PLEKHS1: variants seen among roughly 807,000 people sequenced by gnomAD.
PLEKHS1 encodes the protein pleckstrin homology domain containing S1.
A neutral mutation model predicts 51.0 loss-of-function variants in PLEKHS1; 55 were observed. That is an observed-to-expected ratio of 1.08 (90% CI 0.87 to 1.35). PLEKHS1 has a LOEUF of 1.35. Ranked by LOEUF, PLEKHS1 falls within the 40% of genes most tolerant of loss-of-function variation. The pLI is 0.00. For synonymous variants in PLEKHS1, 153 were observed against 144.8 expected (o/e 1.06, Z -0.41); for missense variants, 398 against 423.0 (o/e 0.94, Z 0.52).
chr10:113,775,680 T>C lies in PLEKHS1; in HGVS notation c.990-85T>C, dbSNP rs1434572609. ...TACCTGGACAATGTCATCTCAGAAA[T>C]AGAGGCCAAAAGTCTACTCAGAAAG... On this transcript the variant is annotated intron_variant, in intron 10 of 11. Coordinates refer to ENST00000361048, the Ensembl canonical transcript of PLEKHS1. 1.3e-5 allele frequency: 10 copies of C among 784,080 alleles called. No individual in the cohort carries two copies. In the South Asian group the frequency reaches 1.7e-4, roughly 13 times the overall value. The allele number at this position is 784,080 out of a possible 1,614,324, so 48.6% of individuals were successfully genotyped here.
intron 8 of PLEKHS1, 62 bp downstream of exon 8, chr10:113,772,151 A>G (rs905627524): frequency 1.3e-6 from 2 of 1,583,958 alleles, no homozygotes; most frequent in African/African-American, 1.4e-5. Context: ...AAACCCTGCC[A>G]TGCACTTTTC....
chr10:113,779,030 G>A (rs1844788746), intron 11 of PLEKHS1, among the ~76,000 whole-genome samples: 1 of 152,210 alleles, frequency 6.6e-6, no homozygotes, highest in Non-Finnish European at 1.5e-5. Flanking sequence ...ACAGATTAGT[G>A]GATGAAGCAG....
chr10:113,758,658 A>G (rs979538626), intron 2 of PLEKHS1, among the ~76,000 whole-genome samples: 3 of 152,168 alleles, frequency 2.0e-5, no homozygotes, highest in Non-Finnish European at 2.9e-5. Flanking sequence ...CTTAGAGGCC[A>G]TTGTAAAGTT....
exon 12 of PLEKHS1, chr10:113,781,881 C>T (rs1026552700): frequency 4.6e-5 from 7 of 152,450 alleles, no homozygotes; most frequent in African/African-American, 1.7e-4. Flanking sequence ...GACAGAGTGG[C>T]CTTTTGGATT....
downstream of PLEKHS1, chr10:113,783,106 A>T (rs1844902689): frequency 6.6e-6 from 1 of 152,058 alleles, no homozygotes; most frequent in Non-Finnish European, 1.5e-5. Context: ...ATTGTGGCAC[A>T]TGCCTGCAAT....
At chr10:113,759,299 G>A (rs1049009686) in intron 2 of PLEKHS1, among the ~76,000 whole-genome samples, 5 of 152,150 alleles carry the variant, frequency 3.3e-5, no homozygotes, top group Admixed American at 1.3e-4. Flanking sequence ...AGCTACTCAG[G>A]AGGCTGAGGC....
exon 5 of PLEKHS1, chr10:113,767,433 T>C: frequency 3.7e-6 from 6 of 1,613,466 alleles, no homozygotes; most frequent in Non-Finnish European, 5.1e-6. Context: ...TGAGGTCATG[T>C]CCATCAGAAC....
chr10:113,763,950 T>A (rs1844053517), intron 2 of PLEKHS1, among the ~76,000 whole-genome samples: 2 of 152,224 alleles, frequency 1.3e-5, no homozygotes, highest in Non-Finnish European at 2.9e-5. Context: ...TCCCTTCACA[T>A]TTTTTATACT....
chr10:113,753,411 C>T (rs1337392125), intron 1 of PLEKHS1, among the ~76,000 whole-genome samples: 2 of 152,120 alleles, frequency 1.3e-5, no homozygotes, highest in East Asian at 1.9e-4. Flanking sequence ...GAAGAGGTTA[C>T]GTTCTCTTTC....
chr10:113,766,490 C>T (rs1844167528), exon 3 of PLEKHS1: 1 of 1,601,802 alleles, frequency 6.2e-7, no homozygotes, highest in Non-Finnish European at 8.5e-7. Flanking sequence ...CTCAGCTGTT[C>T]TCCTCTGTGG....
At chr10:113,752,873 T>A (rs1337310739) in intron 1 of PLEKHS1, among the ~76,000 whole-genome samples, 1 of 152,054 alleles carries the variant, frequency 6.6e-6, no homozygotes, top group African/African-American at 2.4e-5. Flanking sequence ...TATTTGGGAG[T>A]GTCCATGAGC....
chr10:113,772,790 A>G (rs73361844), intron 8 of PLEKHS1, among the ~76,000 whole-genome samples: 3,218 of 152,320 alleles, frequency 0.021, 109 homozygotes, highest in African/African-American at 0.073. Flanking sequence ...GCTGCAACCT[A>G]GAGTGCGTGA....
Position 113,775,879 on chromosome 10 carries a change from T to C in PLEKHS1, c.1091+13T>C. 1 of 1,573,952 alleles carries C rather than the reference T, an allele frequency of 6.4e-7. No homozygotes were observed. The highest frequency in any genetic ancestry group is 8.7e-7 in the Non-Finnish European group (1 of 1,148,730). ...CAGGACGGATATGGTAGGTTGGAGA[T>C]TTGACTGTTGTGGATTATAAATGGG... On this transcript the variant is annotated intron_variant, in intron 11 of 11. Transcript: ENST00000361048.
intron 10 of PLEKHS1, 27 bp from the exon 11 acceptor site, chr10:113,775,738 T>A (rs753311424): frequency 2.5e-5 from 39 of 1,558,792 alleles, no homozygotes; most frequent in Middle Eastern, 1.7e-4. Flanking sequence ...TTGCCTGATG[T>A]GACTTTTACA....
At chr10:113,755,171 A>G (rs1854048374) in intron 1 of PLEKHS1, 88 bp from the exon 2 acceptor site, 8 of 1,431,886 alleles carry the variant, frequency 5.6e-6, no homozygotes, top group Middle Eastern at 1.8e-4. Flanking sequence ...CGTGAGCACA[A>G]TCCTGATACT....
At chr10:113,753,745 A>C (rs539544662) in intron 1 of PLEKHS1, among the ~76,000 whole-genome samples, 1 of 152,286 alleles carries the variant, frequency 6.6e-6, no homozygotes, top group East Asian at 1.9e-4. Context: ...CACCAAAAGC[A>C]TATCTTAGAA....
chr10:113,778,848 G>T (rs921746659), intron 11 of PLEKHS1, among the ~76,000 whole-genome samples: 1 of 151,922 alleles, frequency 6.6e-6, no homozygotes, highest in East Asian at 1.9e-4. Flanking sequence ...TTTCACCGTG[G>T]TCTCAATCTC....
chr10:113,777,357 T>A, intron 11 of PLEKHS1, 98 bp downstream of exon 12: 1 of 1,608,550 alleles, frequency 6.2e-7, no homozygotes, highest in South Asian at 1.1e-5. Context: ...TGAATACAAA[T>A]AAGGTTCCTC....
intron 11 of PLEKHS1, among the ~76,000 whole-genome samples, chr10:113,780,309 G>A (rs192289642): frequency 6.6e-6 from 1 of 152,250 alleles, no homozygotes; most frequent in East Asian, 1.9e-4. Flanking sequence ...GTTTGAAGAG[G>A]CCTTTTTAAT....
Sources: allele counts gnomAD v4.1 joint callset (sites outside exome capture counted in the v4.1 genomes callset), GRCh38; gene constraint gnomAD v4.1.1; transcripts MANE v1.5; gene names NCBI Gene and HGNC (gene_info 2026-07-23, HGNC 2026-07-21).